LARGE1: variants seen among roughly 807,000 people sequenced by gnomAD.
LARGE1 encodes the protein xylosyl- and glucuronyltransferase LARGE1.
A neutral mutation model predicts 87.6 loss-of-function variants in LARGE1; 43 were observed. The observed-to-expected ratio is 0.49, with a 90% CI of 0.38 to 0.63. LARGE1 has a LOEUF of 0.63. Ranked by LOEUF, LARGE1 falls within the 30% of genes least tolerant of loss-of-function variation. The pLI is 0.00. For synonymous variants in LARGE1, 434 were observed against 394.6 expected (o/e 1.10, Z -1.18); for missense variants, 802 against 1,000.2 (o/e 0.80, Z 2.67).
At chr22:33,638,802 A>G (rs1353175439) in intron 3 of LARGE1, among the ~76,000 whole-genome samples, 1 of 152,224 alleles carries the variant, frequency 6.6e-6, no homozygotes, top group African/African-American at 2.4e-5. Flanking sequence ...GGACTGATTA[A>G]CGGTTATTAA....
At chr22:33,540,084 T>C (rs1399036541) in intron 6 of LARGE1, among the ~76,000 whole-genome samples, 1 of 152,130 alleles carries the variant, frequency 6.6e-6, no homozygotes, top group African/African-American at 2.4e-5. Context: ...AATAGGAGCT[T>C]GGTGTACATT....
the LARGE1 span, among the ~76,000 whole-genome samples, chr22:33,076,841 C>G: frequency 6.6e-6 from 1 of 152,080 alleles, no homozygotes; most frequent in East Asian, 1.9e-4. Context: ...GTTACTTGAC[C>G]CAGAGTTCAT....
At chr22:33,683,102 A>C (rs1277735297) in intron 2 of LARGE1, among the ~76,000 whole-genome samples, 6 of 152,372 alleles carry the variant, frequency 3.9e-5, no homozygotes, top group Non-Finnish European at 2.9e-5. Context: ...TGTCATGGTA[A>C]TAAATTGACT....
intron 2 of LARGE1, among the ~76,000 whole-genome samples, chr22:33,694,974 T>G (rs17733790): frequency 0.17 from 25,228 of 152,176 alleles, 2,657 homozygotes; most frequent in Admixed American, 0.27. Context: ...ATATCCAGGC[T>G]GCATCCCCAA....
the LARGE1 span, among the ~76,000 whole-genome samples, chr22:33,155,004 T>C: frequency 3.9e-5 from 6 of 152,196 alleles, no homozygotes; most frequent in Admixed American, 2.0e-4. Context: ...ATGTGAGATG[T>C]GCCTTTCACC....
At chr22:33,783,696 T>C (rs1007592742) in intron 1 of LARGE1, among the ~76,000 whole-genome samples, 24 of 152,226 alleles carry the variant, frequency 1.6e-4, no homozygotes, top group African/African-American at 4.3e-4. Flanking sequence ...CAAGTATCCA[T>C]TGTGGCCTAC....
At chr22:33,196,464 T>C (rs572069938) in intron 11 of LARGE1, among the ~76,000 whole-genome samples, 1 of 152,206 alleles carries the variant, frequency 6.6e-6, no homozygotes, top group Admixed American at 6.5e-5. Flanking sequence ...ACAGAAATTC[T>C]AAACAAACAT....
intron 2 of LARGE1, among the ~76,000 whole-genome samples, chr22:33,738,081 T>C (rs2083723802): frequency 6.6e-6 from 1 of 152,240 alleles, no homozygotes; most frequent in East Asian, 1.9e-4. Flanking sequence ...CGTTGTTTTA[T>C]TTCTTACAAT....
At chr22:33,428,621 TC>T (rs1369255960) in intron 7 of LARGE1, among the ~76,000 whole-genome samples, 6 of 76,950 alleles carry the variant, frequency 7.8e-5, no homozygotes, top group African/African-American at 4.2e-4. Context: ...CCTTGTCCTA[TC>T]TTAAAAAAGA....
At chr22:33,199,310 C>T (rs573465173) in intron 11 of LARGE1, among the ~76,000 whole-genome samples, 9 of 151,772 alleles carry the variant, frequency 5.9e-5, no homozygotes, top group African/African-American at 2.2e-4. Context: ...TGTAGGGTAA[C>T]TGTTTACTTT....
At chr22:33,157,639 T>A (rs1396696602), downstream of LARGE1, among the ~76,000 whole-genome samples, 1 of 152,246 alleles carries the variant, frequency 6.6e-6, no homozygotes, top group Non-Finnish European at 1.5e-5. Flanking sequence ...ACAATGTTGA[T>A]GAGTAAAAAT....
At chr22:33,706,302 A>G (rs1444225077) in intron 2 of LARGE1, among the ~76,000 whole-genome samples, 1 of 152,180 alleles carries the variant, frequency 6.6e-6, no homozygotes, top group Non-Finnish European at 1.5e-5. Flanking sequence ...ACAAGCCTCC[A>G]GGGTACCGCC....
At position 33,697,991 on chromosome 22, in the gene LARGE1, C is replaced by T. The variant is rs1042927438; in HGVS notation, c.107-47323G>A. ...ATCAAGACATTTGTTTCTTAAAAGACTCAACTCACCGCAGTAAACAGAGAA... is the reference window on the plus strand; with the variant it reads ...ATCAAGACATTTGTTTCTTAAAAGATTCAACTCACCGCAGTAAACAGAGAA... On this transcript the variant is annotated intron_variant, in intron 2 of 14. Transcript: ENST00000397394. Among the ~76,000 whole-genome samples, 23 of 152,314 alleles carry T rather than the reference C, an allele frequency of 1.5e-4. 2 individuals are homozygous for T. The highest frequency in any genetic ancestry group is 3.1e-4 in the African/African-American group (13 of 41,570).
the LARGE1 span, among the ~76,000 whole-genome samples, chr22:33,075,499 C>T: frequency 3.3e-5 from 5 of 152,310 alleles, no homozygotes; most frequent in South Asian, 1.0e-3. Context: ...TTCCTCAATG[C>T]TCCAGTGAGG....
At chr22:33,599,317 T>G (rs1363648852) in intron 5 of LARGE1, among the ~76,000 whole-genome samples, 1 of 152,152 alleles carries the variant, frequency 6.6e-6, no homozygotes, top group Non-Finnish European at 1.5e-5. Context: ...AGGGTCATCA[T>G]GAGAGATGAG....
intron 11 of LARGE1, among the ~76,000 whole-genome samples, chr22:33,244,282 A>T (rs576526885): frequency 2.0e-5 from 3 of 152,064 alleles, no homozygotes; most frequent in Non-Finnish European, 2.9e-5. Flanking sequence ...GACATGAGCC[A>T]CCGCGCCCGG....
chr22:33,133,296 C>T, the LARGE1 span, among the ~76,000 whole-genome samples: 6 of 152,146 alleles, frequency 3.9e-5, no homozygotes. Flanking sequence ...CCGTCATCTA[C>T]ATTAGGTATT....
At chr22:33,871,982 C>CAAAAAAAAAAAAAAAAAAA (rs58105742) in intron 1 of LARGE1, among the ~76,000 whole-genome samples, 12 of 86,776 alleles carry the variant, frequency 1.4e-4, no homozygotes, top group South Asian at 4.2e-4. Context: ...TCTAAATCAG[C>CAAAAAAAAAAAAAAAAAAA]AAAAAAAAAA....
intron 7 of LARGE1, among the ~76,000 whole-genome samples, chr22:33,421,584 T>C (rs1235076214): frequency 1.3e-5 from 2 of 152,244 alleles, no homozygotes; most frequent in Non-Finnish European, 2.9e-5. Flanking sequence ...AAGGTAACTA[T>C]GCCTACATTT....
Sources: allele counts gnomAD v4.1 joint callset (sites outside exome capture counted in the v4.1 genomes callset), GRCh38; gene constraint gnomAD v4.1.1; transcripts MANE v1.5; gene names NCBI Gene and HGNC (gene_info 2026-07-23, HGNC 2026-07-21).